The following CDK12 variants were observed in gnomAD, a reference collection of about 807,000 sequenced individuals.
The protein encoded by CDK12 is cyclin dependent kinase 12.
CDK12 carries 17 observed loss-of-function variants against 133.8 expected under a neutral mutation model. The ratio of observed to expected loss-of-function variants is 0.13; its 90% CI spans 0.09 to 0.19. The LOEUF (loss-of-function observed/expected upper bound fraction) is 0.19. Ranked by LOEUF, CDK12 falls within the 10% of genes least tolerant of loss-of-function variation. CDK12 has a pLI of 1.00. For missense variants in CDK12, 1,508 were observed against 1,818.7 expected (o/e 0.83, Z 3.11); for synonymous variants, 694 against 683.6 (o/e 1.02, Z -0.24).
At position 39,524,809 on chromosome 17, in the gene CDK12, G is replaced by A. The variant is rs777182205; in HGVS notation, c.3231G>A (p.Glu1077=). 1.5e-5 allele frequency: 24 copies of A among 1,614,112 alleles called. No individual in the cohort carries two copies. Among genetic ancestry groups the A allele is most frequent in the Non-Finnish European group, 2.0e-5 (24 of 1,180,054 alleles). The change falls in exon 12 of 14, where the codon GAG becomes GAA. Residue 1077 remains glutamate (E), a synonymous_variant. Coordinates refer to ENST00000447079, the MANE Select transcript of CDK12 (RefSeq NM_016507.4). ...RKETTSGTST[E]PVKNSSPAPP... ...AAACTACCTCAGGGACAAGTACTGA[G>A]CCTGTGAAGAACAGCAGCCCAGCAC...
At chr17:39,490,848 A>G (rs1009718074) in intron 3 of CDK12, 115 bp downstream of exon 3, 2 of 716,716 alleles carry the variant, frequency 2.8e-6, no homozygotes, top group Non-Finnish European at 4.2e-6. Context: ...TTTGGTCCCA[A>G]AGTATTTTTT....
chr17:39,539,887 G>A (rs993388853), intron 1 of CDK12, among the ~76,000 whole-genome samples: 3 of 152,216 alleles, frequency 2.0e-5, no homozygotes, highest in Non-Finnish European at 2.9e-5. Context: ...GTTTTGTGCA[G>A]AGGCTGTGAA....
At chr17:39,495,974 C>T (rs998234289) in intron 5 of CDK12, among the ~76,000 whole-genome samples, 4 of 151,638 alleles carry the variant, frequency 2.6e-5, no homozygotes, top group African/African-American at 9.7e-5. Context: ...TGCATTGGCT[C>T]GATCTTGGCT....
chr17:39,564,856 A>C (rs780481797), downstream of CDK12: 3 of 152,292 alleles, frequency 2.0e-5, no homozygotes, highest in Non-Finnish European at 4.4e-5. Context: ...AGTGGAAGAA[A>C]AGACTGCAGT....
chr17:39,499,684 A>AT (rs1052361005), intron 5 of CDK12, among the ~76,000 whole-genome samples: 19 of 133,324 alleles, frequency 1.4e-4, no homozygotes, highest in South Asian at 7.1e-4. Context: ...TAATTTTTGT[A>AT]TTTTTTTTTA....
chr17:39,464,202 T>C (rs1036441763), intron 1 of CDK12, among the ~76,000 whole-genome samples: 20 of 151,976 alleles, frequency 1.3e-4, no homozygotes, highest in Non-Finnish European at 2.6e-4. Flanking sequence ...TTGTGCTAAT[T>C]TGAAAAAAAT....
Position 39,531,788 on chromosome 17 carries a change from T to C in CDK12, c.*472T>C, listed in dbSNP as rs2054860165. 2 of 234,762 alleles carry C rather than the reference T, an allele frequency of 8.5e-6. No homozygotes were observed. The highest frequency in any genetic ancestry group is 2.2e-5 in the African/African-American group (1 of 45,364). 14.5% of individuals were successfully genotyped at this position (234,762 alleles called of 1,614,324 possible). A position where few individuals can be genotyped will look rare whatever the true frequency, so the allele number is the denominator to read the frequency against. ...TTTTTTCCTTTAAAGAGAATAGTGT[T>C]CACAAAATTTGAGCTGCTCTTTGGC... On this transcript the variant is annotated 3_prime_UTR_variant, in exon 14 of 14. Transcript: ENST00000447079.
intron 1 of CDK12, among the ~76,000 whole-genome samples, chr17:39,469,535 C>T (rs1460463845): frequency 2.0e-5 from 3 of 152,140 alleles, no homozygotes; most frequent in Admixed American, 2.0e-4. Context: ...TGGGCTCTGC[C>T]ATTTAACTCT....
At chr17:39,469,071 C>G (rs1041397902) in intron 1 of CDK12, among the ~76,000 whole-genome samples, 1 of 152,132 alleles carries the variant, frequency 6.6e-6, no homozygotes, top group Non-Finnish European at 1.5e-5. Flanking sequence ...TCGTGATCTG[C>G]TGCCTCGGCC....
At chr17:39,501,848 GT>G (rs1038854970) in intron 6 of CDK12, among the ~76,000 whole-genome samples, 67 of 142,244 alleles carry the variant, frequency 4.7e-4, no homozygotes, top group East Asian at 6.1e-4. Flanking sequence ...TTTTTGTTTT[GT>G]TTTTTTTTTT....
intron 4 of CDK12, 119 bp downstream of exon 4, chr17:39,493,009 G>A: frequency 1.1e-6 from 1 of 890,178 alleles, no homozygotes; most frequent in Non-Finnish European, 1.7e-6. Flanking sequence ...TTGTTTGTTT[G>A]TTTTTTGAGA....
At chr17:39,548,161 CT>C (rs1293665814), upstream of CDK12, among the ~76,000 whole-genome samples, 4 of 152,090 alleles carry the variant, frequency 2.6e-5, no homozygotes, top group Admixed American at 2.0e-4. Context: ...TGAGGGCACC[CT>C]TTCTCCAAAA....
At chr17:39,515,205 C>T (rs2053725574) in intron 8 of CDK12, among the ~76,000 whole-genome samples, 1 of 152,006 alleles carries the variant, frequency 6.6e-6, no homozygotes. Flanking sequence ...GAGTGAGACT[C>T]TATCTCAAAA....
In CDK12 at chr17:39,462,083, A is replaced by C. The variant is rs745968303; in HGVS notation, c.12A>C (p.Ser4=). The C allele has an allele frequency of 4.3e-6, 7 of 1,613,646 alleles. No individual in the cohort carries two copies. Among genetic ancestry groups the C allele is most frequent in the Non-Finnish European group, 5.9e-6 (7 of 1,179,744 alleles). The change falls in exon 1 of 14, where the codon TCA becomes TCC. Residue 4 remains serine, a synonymous_variant. Transcript: ENST00000447079. ...TCAGGGGAAAGGGAATGCCCAATTC[A>C]GAGAGACATGGGGGCAAGAAGGACG... MPN[S]ERHGGKKDGS...
chr17:39,566,189 A>G (rs2056567306), downstream of CDK12, among the ~76,000 whole-genome samples: 1 of 152,184 alleles, frequency 6.6e-6, no homozygotes, highest in Non-Finnish European at 1.5e-5. Flanking sequence ...TAACTAAAAT[A>G]TTTTAAGTTC....
At chr17:39,465,514 T>A (rs990568810) in intron 1 of CDK12, among the ~76,000 whole-genome samples, 1 of 151,064 alleles carries the variant, frequency 6.6e-6, no homozygotes, top group Admixed American at 6.7e-5. Context: ...TGAGACAGAG[T>A]CTTGTTTTGT....
At chr17:39,561,751 T>C (rs970086997) in intron 3 of CDK12, among the ~76,000 whole-genome samples, 4 of 152,084 alleles carry the variant, frequency 2.6e-5, no homozygotes, top group African/African-American at 9.7e-5. Flanking sequence ...AGCTGTGGAC[T>C]CCTAACAGTT....
chr17:39,505,523 CAAAA>C (rs369918356), intron 6 of CDK12, among the ~76,000 whole-genome samples: 1 of 97,742 alleles, frequency 1.0e-5, no homozygotes. Context: ...GACTCCGTCT[CAAAA>C]AAAAAAAAAA....
intron 5 of CDK12, among the ~76,000 whole-genome samples, chr17:39,498,320 G>T (rs1354651938): frequency 1.2e-4 from 18 of 152,076 alleles, no homozygotes; most frequent in Non-Finnish European, 2.5e-4. Flanking sequence ...CACCTCCTGG[G>T]TTCAAGCAGT....
Sources: allele counts gnomAD v4.1 joint callset (sites outside exome capture counted in the v4.1 genomes callset), GRCh38; gene constraint gnomAD v4.1.1; transcripts MANE v1.5; gene names NCBI Gene and HGNC (gene_info 2026-07-23, HGNC 2026-07-21).